RYR2: variants seen among roughly 807,000 people sequenced by gnomAD.
The protein encoded by RYR2 is cardiac muscle ryanodine receptor-calcium release channel.
Under a neutral mutation model 601.1 loss-of-function variants are expected in RYR2, and 227 were observed. The ratio of observed to expected loss-of-function variants is 0.38; its 90% CI spans 0.34 to 0.42. The LOEUF is 0.42. Among genes scored for constraint, RYR2 ranks in the 10% least tolerant of loss-of-function variants. RYR2 has a pLI of 1.00. For missense variants in RYR2, 4,646 were observed against 6,156.5 expected (o/e 0.75, Z 8.21); for synonymous variants, 2,223 against 2,175.1 (o/e 1.02, Z -0.61).
At chr1:237,062,992 T>C (rs546634462) in intron 1 of RYR2, among the ~76,000 whole-genome samples, 13 of 152,292 alleles carry the variant, frequency 8.5e-5, no homozygotes, top group African/African-American at 3.1e-4. Context: ...ATGGACTGTT[T>C]GTGCCTACCC....
chr1:237,715,999 T>C (rs893727340), intron 71 of RYR2, among the ~76,000 whole-genome samples: 1 of 152,108 alleles, frequency 6.6e-6, no homozygotes, highest in Non-Finnish European at 1.5e-5. Context: ...CTCTTACAAG[T>C]TGGTATGTAT....
intron 1 of RYR2, among the ~76,000 whole-genome samples, chr1:237,187,880 T>C (rs941699991): frequency 6.6e-6 from 1 of 152,216 alleles, no homozygotes; most frequent in Non-Finnish European, 1.5e-5. Flanking sequence ...TTCTTGGATT[T>C]GAATTTTTAG....
rs766933683 is a variant in RYR2 at position 237,614,175 on chromosome 1, C to T, written c.5047C>T (p.Pro1683Ser). ...TGCCCTGTGCAGCCATGTGGATGAA[C>T]CTCAGCTCCTCTATGCCATTGAGAA... is the stretch of plus-strand genomic sequence containing the variant. ...AHALCSHVDE[P>S]QLLYAIENKY... The change falls in exon 37 of 105, where the codon CCT becomes TCT. Residue 1683 changes from proline (P) to serine (S), a missense_variant. Physicochemically the swap from Pro to Ser is moderately conservative, Grantham distance 74 (BLOSUM62 -1). Transcript: ENST00000366574. This position sits in a 1 kb window ranked among gnomAD's most constrained non-coding sequence, Gnocchi z 4.3. 3 of 1,614,018 alleles carry T rather than the reference C, an allele frequency of 1.9e-6. No homozygotes were observed. Among genetic ancestry groups the T allele is most frequent in the Non-Finnish European group, 2.5e-6 (3 of 1,179,896 alleles).
intron 34 of RYR2, among the ~76,000 whole-genome samples, chr1:237,599,312 TG>T (rs1417077843): frequency 6.6e-6 from 1 of 152,068 alleles, no homozygotes; most frequent in Admixed American, 6.5e-5. Flanking sequence ...GCATCCAAAT[TG>T]GAAAAGAAGT....
At chr1:237,422,964 A>G (rs1304462046) in intron 11 of RYR2, 128 bp from the exon 12 acceptor site, 4 of 1,047,306 alleles carry the variant, frequency 3.8e-6, no homozygotes. Context: ...TAATATCACT[A>G]ATATCCTAAG....
chr1:237,385,614 C>T (rs1290178425), intron 8 of RYR2, among the ~76,000 whole-genome samples: 6 of 152,216 alleles, frequency 3.9e-5, no homozygotes, highest in South Asian at 2.1e-4. Context: ...GATATGAGCA[C>T]GGGTATTTTG....
At chr1:237,537,808 A>T (rs1374544158) in intron 25 of RYR2, among the ~76,000 whole-genome samples, 1 of 152,218 alleles carries the variant, frequency 6.6e-6, no homozygotes, top group African/African-American at 2.4e-5. Context: ...ATAATTCTAC[A>T]GATAATTCAT....
chr1:237,506,960 T>G, intron 23 of RYR2, 146 bp downstream of exon 23: 1 of 709,702 alleles, frequency 1.4e-6, no homozygotes, highest in South Asian at 1.7e-5. Flanking sequence ...TTTGTGCAGT[T>G]TTGCCTTACT....
intron 29 of RYR2, among the ~76,000 whole-genome samples, chr1:237,580,531 A>C (rs1673795077): frequency 6.6e-6 from 1 of 151,782 alleles, no homozygotes; most frequent in Non-Finnish European, 1.5e-5. Flanking sequence ...CATAAAGTAG[A>C]ATTCAAATTC....
intron 24 of RYR2, among the ~76,000 whole-genome samples, chr1:237,512,127 A>G (rs1415778818): frequency 6.6e-6 from 1 of 152,192 alleles, no homozygotes; most frequent in South Asian, 2.1e-4. Context: ...TCAGTCACAA[A>G]TTGTTACTGG....
chr1:237,789,387 C>T (rs1658065279), intron 92 of RYR2, among the ~76,000 whole-genome samples: 1 of 152,186 alleles, frequency 6.6e-6, no homozygotes, highest in South Asian at 2.1e-4. Flanking sequence ...GTTGTAACTA[C>T]ATTTCCTAAA....
chr1:237,478,932 T>C (rs1187723738), intron 17 of RYR2, among the ~76,000 whole-genome samples: 1 of 152,168 alleles, frequency 6.6e-6, no homozygotes, highest in African/African-American at 2.4e-5. Context: ...GATGAAGAAA[T>C]AGAATAACTC....
chr1:237,514,573 C>CTAT (rs1357784025), intron 24 of RYR2, among the ~76,000 whole-genome samples: 2 of 151,898 alleles, frequency 1.3e-5, no homozygotes, highest in African/African-American at 2.4e-5. Flanking sequence ...AGATTCATAC[C>CTAT]ATGCCCAATT....
At chr1:237,269,838 G>A (rs184095853) in intron 1 of RYR2, among the ~76,000 whole-genome samples, 156 of 152,216 alleles carry the variant, frequency 1.0e-3, no homozygotes, top group Admixed American at 1.8e-3. Flanking sequence ...TCTAATTTTC[G>A]TCTTTCCCCA....
intron 2 of RYR2, among the ~76,000 whole-genome samples, chr1:237,289,354 TTCTC>T (rs1691961874): frequency 1.3e-5 from 2 of 152,172 alleles, no homozygotes; most frequent in Non-Finnish European, 2.9e-5. Flanking sequence ...TATTAGTCCT[TTCTC>T]ATGCTGCTAA....
At chr1:237,736,417 G>A (rs1322179149) in intron 79 of RYR2, among the ~76,000 whole-genome samples, 2 of 146,672 alleles carry the variant, frequency 1.4e-5, no homozygotes, top group Non-Finnish European at 3.0e-5. Context: ...AGCCGTGATT[G>A]CACCACTGCA....
In RYR2 at chr1:237,819,786, C is replaced by T. The variant is rs1350926506; in HGVS notation, c.14590+594C>T. ...TGAGCCAAGATCACGCCACTGCACTCCAGCCTGGGCAACAAGAGCGAAACT... is the reference window on the plus strand; with the variant it reads ...TGAGCCAAGATCACGCCACTGCACTTCAGCCTGGGCAACAAGAGCGAAACT... On this transcript the variant is annotated intron_variant, in intron 101 of 104. Coordinates refer to ENST00000366574, the MANE Select transcript of RYR2 (RefSeq NM_001035.3). This position sits in a 1 kb window ranked among gnomAD's most constrained non-coding sequence, Gnocchi z 4.0. Among the ~76,000 whole-genome samples, 1 of 152,032 alleles carries T rather than the reference C, an allele frequency of 6.6e-6. No homozygotes were observed. The highest frequency in any genetic ancestry group is 2.4e-5 in the African/African-American group (1 of 41,386).
At chr1:237,654,791 A>G (rs1251192447) in intron 52 of RYR2, among the ~76,000 whole-genome samples, 1 of 152,234 alleles carries the variant, frequency 6.6e-6, no homozygotes, top group Non-Finnish European at 1.5e-5. Flanking sequence ...AATCTTATGT[A>G]ATTGTAATAT....
intron 1 of RYR2, among the ~76,000 whole-genome samples, chr1:237,163,355 A>ACCCCCCCCCCCCC (rs67343728): frequency 8.9e-5 from 8 of 90,274 alleles, no homozygotes; most frequent in African/African-American, 1.2e-4. Context: ...CCAACCCCCT[A>ACCCCCCCCCCCCC]CCCCCCCCAC....
Sources: allele counts gnomAD v4.1 joint callset (sites outside exome capture counted in the v4.1 genomes callset), GRCh38; gene constraint gnomAD v4.1.1; non-coding constraint Gnocchi (gnomAD v3.1); transcripts MANE v1.5; gene names NCBI Gene and HGNC (gene_info 2026-07-23, HGNC 2026-07-21).